The following DNAH9 variants were observed in gnomAD, a reference collection of about 807,000 sequenced individuals.
DNAH9 encodes the protein dynein axonemal heavy chain 9.
A neutral mutation model predicts 471.6 loss-of-function variants in DNAH9; 345 were observed. That is an observed-to-expected ratio of 0.73 (90% CI 0.67 to 0.80). DNAH9 has a LOEUF of 0.80. DNAH9 is among the 30% of genes least tolerant of loss of function. DNAH9 has a pLI of 0.00. For synonymous variants in DNAH9, 2,093 were observed against 2,123.6 expected, an observed-to-expected ratio of 0.99 and a Z score of 0.40; for missense variants, 5,407 against 5,609.2, an observed-to-expected ratio of 0.96 and a Z score of 1.15.
At chr17:11,768,749 G>T in intron 37 of DNAH9, 123 bp downstream of exon 37, 1 of 1,209,196 alleles carries the variant, frequency 8.3e-7, no homozygotes. Context: ...GTCATCCCCA[G>T]CTCCATGACT....
chr17:11,709,565 A>C (rs1018025464), intron 26 of DNAH9, among the ~76,000 whole-genome samples: 4 of 152,232 alleles, frequency 2.6e-5, no homozygotes, highest in Admixed American at 2.6e-4. Context: ...CCCGTTTTAC[A>C]GTACATCCAA....
chr17:11,627,226 T>A (rs2072985096), intron 6 of DNAH9, among the ~76,000 whole-genome samples: 1 of 152,186 alleles, frequency 6.6e-6, no homozygotes, highest in East Asian at 1.9e-4. Context: ...TGACCAGACT[T>A]TCTCCAAAAG....
chr17:11,896,714 G>A (rs1430778715), intron 59 of DNAH9, among the ~76,000 whole-genome samples: 4 of 152,178 alleles, frequency 2.6e-5, no homozygotes, highest in African/African-American at 7.2e-5. Context: ...ACACTTTAAA[G>A]TAGCACCGTC....
At position 11,783,650 on chromosome 17, in the gene DNAH9, G is replaced by A. The variant is rs200781464; in HGVS notation, c.7723G>A (p.Asp2575Asn). 2 of 1,613,722 alleles carry A rather than the reference G, an allele frequency of 1.2e-6. No homozygotes were observed. Among genetic ancestry groups the A allele is most frequent in the Middle Eastern group, 1.6e-4 (1 of 6,084 alleles). Residue 2575 changes from aspartate (D) to asparagine (N), a missense_variant, in exon 40 of 69, where the codon GAT becomes AAT. Coordinates refer to ENST00000262442, the MANE Select transcript of DNAH9 (RefSeq NM_001372.4). ...TAGAGCTTCTGACTGTTCCAGGTATGATCGGAGCAAGCTGTCCCTAAAGGA... is the reference window on the plus strand; with the variant it reads ...TAGAGCTTCTGACTGTTCCAGGTATAATCGGAGCAAGCTGTCCCTAAAGGA... ...RQHLDYGHWY[D>N]RSKLSLKEIT... is the part of the protein sequence containing the mutation.
Position 11,841,450 on chromosome 17 carries a change from C to T in DNAH9, c.9507+6552C>T, listed in dbSNP as rs542048610. Reference sequence around the variant, plus strand: ...TGCATCCTTTTGAGTCTTTGTTCAGCCATTCACACGTGAGAGGAGGGTAGG... The same window carrying T: ...TGCATCCTTTTGAGTCTTTGTTCAGTCATTCACACGTGAGAGGAGGGTAGG... On this transcript the variant is annotated intron_variant, in intron 49 of 68. Transcript: ENST00000262442. 3.3e-5 allele frequency among the ~76,000 whole-genome samples: 5 copies of T among 152,266 alleles called. No homozygotes were observed. The South Asian group carries it at 8.3e-4, about 25-fold the overall frequency.
At chr17:11,877,204 G>C (rs1972526816) in intron 53 of DNAH9, among the ~76,000 whole-genome samples, 1 of 151,574 alleles carries the variant, frequency 6.6e-6, no homozygotes, top group African/African-American at 2.4e-5. Flanking sequence ...TGGGCGCAGT[G>C]GCTCGAGCCT....
At chr17:11,797,817 T>C in intron 43 of DNAH9, 24 bp downstream of exon 43, 1 of 1,599,026 alleles carries the variant, frequency 6.3e-7, no homozygotes, top group Non-Finnish European at 8.5e-7. Context: ...TCCTCTTCCT[T>C]TTCCTCAGTT....
chr17:11,817,828 A>G (rs190406747), intron 45 of DNAH9, among the ~76,000 whole-genome samples: 1 of 152,372 alleles, frequency 6.6e-6, no homozygotes, highest in African/African-American at 2.4e-5. Flanking sequence ...AATAGAAATT[A>G]AATAAGTTGG....
intron 67 of DNAH9, among the ~76,000 whole-genome samples, chr17:11,959,035 C>A (rs996337277): frequency 1.3e-5 from 2 of 152,060 alleles, no homozygotes; most frequent in Non-Finnish European, 2.9e-5. Context: ...ATCATATGAT[C>A]ATCTTCATAA....
intron 61 of DNAH9, among the ~76,000 whole-genome samples, chr17:11,923,602 C>T (rs529057263): frequency 1.1e-3 from 163 of 152,294 alleles, no homozygotes; most frequent in African/African-American, 3.8e-3. Flanking sequence ...TGAGCCACTG[C>T]GCCCGGCTCA....
chr17:11,747,431 G>A (rs1171712939), intron 31 of DNAH9, 125 bp from the exon 32 acceptor site: 8 of 693,254 alleles, frequency 1.2e-5, no homozygotes, highest in Admixed American at 8.8e-5. Context: ...ACATCTTGGG[G>A]TAGATAACTC....
chr17:11,652,175 G>C (rs1472271317), intron 13 of DNAH9, among the ~76,000 whole-genome samples: 1 of 151,462 alleles, frequency 6.6e-6, no homozygotes, highest in Admixed American at 6.6e-5. Context: ...CTGGTGTTTG[G>C]ATATAAGATT....
At chr17:11,604,798 C>G (rs1187025403) in intron 1 of DNAH9, among the ~76,000 whole-genome samples, 1 of 152,118 alleles carries the variant, frequency 6.6e-6, no homozygotes, top group Non-Finnish European at 1.5e-5. Context: ...CCATCTCCCC[C>G]ACTACCCACT....
chr17:11,784,504 A>G lies in DNAH9; in HGVS notation c.8026A>G (p.Ile2676Val). The part of the protein sequence containing the change: ...FLPTGIKFHY[I>V]FNLRDFANIF... ...ACCCACAGGAATCAAATTCCACTAC[A>G]TCTTCAACCTCAGAGATTTTGCCAA... Residue 2676 changes from isoleucine to valine, a missense_variant, in exon 41 of 69, where the codon ATC becomes GTC. Transcript: ENST00000262442. 6.2e-7 allele frequency: 1 copy of G among 1,614,122 alleles called. No homozygotes were observed. Among genetic ancestry groups the G allele is most frequent in the Non-Finnish European group, 8.5e-7 (1 of 1,180,000 alleles).
chr17:11,859,411 CAAA>C (rs34446360), intron 50 of DNAH9, among the ~76,000 whole-genome samples: 3,396 of 131,408 alleles, frequency 0.026, 109 homozygotes, highest in African/African-American at 0.081. Context: ...GACTCCGTCT[CAAA>C]AAAAAAAAAA....
At position 11,822,565 on chromosome 17, in the gene DNAH9, G is replaced by A. The variant is rs1214047412; in HGVS notation, c.8978G>A (p.Ser2993Asn). 6.2e-7 allele frequency: 1 copy of A among 1,614,188 alleles called. No individual in the cohort carries two copies. Among genetic ancestry groups the A allele is most frequent in the Admixed American group, 1.7e-5 (1 of 60,028 alleles). Residue 2993 changes from serine to asparagine, a missense_variant, in exon 47 of 69, where the codon AGC (serine) becomes AAC (asparagine). Physicochemically the swap from Ser to Asn is conservative, Grantham distance 46. This residue lies in a region of DNAH9 where 4,636 missense variants were observed against 4,900.3 expected (regional missense o/e 0.95). Transcript: ENST00000262442. ...CCTCAGCAAGCATTGGAGTCTGTCA[G>A]CCTCCGCTTCTTGCAGAACACAGAG... ...EWPQQALESV[S>N]LRFLQNTEGI... is the part of the protein sequence containing the mutation.
chr17:11,956,253 AG>A (rs1313735967), intron 67 of DNAH9, among the ~76,000 whole-genome samples: 1 of 152,232 alleles, frequency 6.6e-6, no homozygotes, highest in Non-Finnish European at 1.5e-5. Context: ...ATGGATGAAG[AG>A]GAGTATTATA....
chr17:11,762,276 T>C (rs1967710688), intron 35 of DNAH9, among the ~76,000 whole-genome samples: 1 of 152,188 alleles, frequency 6.6e-6, no homozygotes, highest in Non-Finnish European at 1.5e-5. Context: ...GTGCTGTATT[T>C]GTTATGAAAA....
chr17:11,729,110 A>G (rs1027044587), intron 28 of DNAH9, among the ~76,000 whole-genome samples: 1 of 152,114 alleles, frequency 6.6e-6, no homozygotes. Context: ...TTGCCCCTCT[A>G]TTTGCCAGCA....
Sources: gnomAD v4.1 joint callset for allele counts (sites outside exome capture counted in the v4.1 genomes callset) on GRCh38, gnomAD v4.1.1 for gene constraint, gnomAD v4.1.1 regional missense constraint, MANE v1.5 for transcripts, NCBI Gene and HGNC (gene_info 2026-07-23, HGNC 2026-07-21) for gene names.